The following TMED9 variants were observed in gnomAD, a reference collection of about 807,000 sequenced individuals.
TMED9 encodes transmembrane emp24 domain-containing protein 9.
In TMED9, 22 loss-of-function variants were observed where a neutral mutation model predicts 30.6. The ratio of observed to expected loss-of-function variants is 0.72; its 90% CI spans 0.51 to 1.03. The LOEUF (loss-of-function observed/expected upper bound fraction) is 1.03, where lower values mean the gene tolerates loss of function less well. Among genes scored for constraint, TMED9 ranks in the 50% least tolerant of loss-of-function variants. TMED9 has a pLI of 0.00. For missense variants in TMED9, 251 were observed against 302.1 expected (o/e 0.83, Z 1.25); for synonymous variants, 146 against 122.8 (o/e 1.19, Z -1.25).
rs1343521318 is a variant in TMED9 at position 177,594,388 on chromosome 5, AC to A, written c.558+105del. The A allele has an allele frequency of 8.6e-6, 12 of 1,396,736 alleles. No individual in the cohort carries two copies. The Admixed American group carries it at 2.3e-4, about 27-fold the overall frequency. The allele number at this position is 1,396,736 out of a possible 1,614,324, so 86.5% of individuals were successfully genotyped here. On this transcript the variant is annotated intron_variant, in intron 4 of 4. Transcript: ENST00000332598. Reference sequence around the variant, plus strand: ...TCATTCTGAGACCCCCAAGGGACTTACCTGCACTGCATTGTAGGTCGTGGGG... The same window carrying A: ...TCATTCTGAGACCCCCAAGGGACTTACTGCACTGCATTGTAGGTCGTGGGG...
At position 177,595,268 on chromosome 5, in the gene TMED9, G is replaced by A; in HGVS notation, c.560G>A (p.Trp187Ter). The stretch of plus-strand genomic sequence containing the variant: ...GGCTCACCTTATATTCCCCTGCAGT[G>A]GCGAGAGGAGCGCTTCCGGCAGACC... ...QIQKEQNYQR[W>*]REERFRQTSE... is the part of the protein sequence containing the mutation. Residue 187 changes from tryptophan to a stop codon, truncating the protein, a stop_gained and splice_region_variant, in exon 5 of 5, where the codon TGG (tryptophan) becomes TAG (stop). Transcript: ENST00000332598. LOFTEE classifies it high-confidence loss of function. The A allele has an allele frequency of 1.3e-6, 2 of 1,583,286 alleles. No homozygotes were observed. Among genetic ancestry groups the A allele is most frequent in the Admixed American group, 1.7e-5 (1 of 58,082 alleles).
At position 177,595,253 on chromosome 5, in the gene TMED9, A is replaced by T; in HGVS notation, c.559-14A>T. 1 of 1,553,292 alleles carries T rather than the reference A, an allele frequency of 6.4e-7. No homozygotes were observed. Among genetic ancestry groups the T allele is most frequent in the Non-Finnish European group, 8.8e-7 (1 of 1,140,752 alleles). ...GCCCCAGCCAACTCAGGCTCACCTT[A>T]TATTCCCCTGCAGTGGCGAGAGGAG... is the stretch of plus-strand genomic sequence containing the variant. On this transcript the variant is annotated splice_polypyrimidine_tract_variant and intron_variant, in intron 4 of 4. Coordinates refer to ENST00000332598, the MANE Select transcript of TMED9 (RefSeq NM_017510.6).
intron 4 of TMED9, 33 bp downstream of exon 4, chr5:177,594,318 C>G: frequency 6.2e-7 from 1 of 1,609,266 alleles, no homozygotes; most frequent in Non-Finnish European, 8.5e-7. Flanking sequence ...GTGGGCTTCT[C>G]CCTAGAAGCT....
intron 4 of TMED9, among the ~76,000 whole-genome samples, chr5:177,594,811 A>G (rs1767654497): frequency 6.6e-6 from 1 of 152,130 alleles, no homozygotes; most frequent in Admixed American, 6.5e-5. Context: ...TGCACAAATT[A>G]CCTGTGTTTT....
At position 177,592,427 on chromosome 5, in the gene TMED9, T is replaced by C. The variant is rs746935743; in HGVS notation, c.184+29T>C. ...CGGGGGCGGGGAGGAAGGGGCGAGT[T>C]TGGAACGTGACCGTGGTCTTGGGGC... On this transcript the variant is annotated intron_variant, in intron 1 of 4. Coordinates refer to ENST00000332598, the MANE Select transcript of TMED9 (RefSeq NM_017510.6). 1.9e-6 allele frequency: 3 copies of C among 1,575,952 alleles called. No individual in the cohort carries two copies. In the Admixed American group the frequency reaches 5.6e-5, roughly 29 times the overall value.
intron 1 of TMED9, 85 bp from the exon 2 acceptor site, chr5:177,592,490 G>A (rs1044513777): frequency 2.6e-6 from 4 of 1,557,704 alleles, no homozygotes; most frequent in Middle Eastern, 1.7e-4. Context: ...GAGCCGGGAG[G>A]AGACGGCCTC....
chr5:177,595,191 G>C, intron 4 of TMED9, 76 bp from the exon 5 acceptor site: 1 of 1,444,014 alleles, frequency 6.9e-7, no homozygotes, highest in South Asian at 1.5e-5. Flanking sequence ...GGCTGACCTT[G>C]GGCATCCTCT....
chr5:177,592,585 G>A lies in TMED9; in HGVS notation c.195G>A (p.Arg65=). 1 of 1,613,286 alleles carries A rather than the reference G, an allele frequency of 6.2e-7. No individual in the cohort carries two copies. Among genetic ancestry groups the A allele is most frequent in the Non-Finnish European group, 8.5e-7 (1 of 1,179,724 alleles). Residue 65 remains arginine (R), a synonymous_variant, in exon 2 of 5, where the codon CGG becomes CGA. Coordinates refer to ENST00000332598, the MANE Select transcript of TMED9 (RefSeq NM_017510.6). ...PDETMVIGNY[R]TQLYDKQREE... ...CCTGCTTCCCTCAAGGAAACTACCG[G>A]ACGCAGCTGTATGACAAGCAGCGGG...
chr5:177,592,602 A>G lies in TMED9; in HGVS notation c.212A>G (p.Lys71Arg), dbSNP rs765342087. Residue 71 changes from lysine to arginine, a missense_variant, in exon 2 of 5, where the codon AAG becomes AGG. Physicochemically the swap from Lys to Arg is conservative, Grantham distance 26. Around this residue, in one of 2 missense-constraint regions of TMED9, gnomAD observed 153 missense variants for 239.6 expected, o/e 0.64. Coordinates refer to ENST00000332598, the MANE Select transcript of TMED9 (RefSeq NM_017510.6). ...IGNYRTQLYD[K>R]QREEYQPATP... ...AACTACCGGACGCAGCTGTATGACA[A>G]GCAGCGGGAGGAGTACCAGCCGGCC... 6.2e-7 allele frequency: 1 copy of G among 1,613,666 alleles called. No individual in the cohort carries two copies. The highest frequency in any genetic ancestry group is 1.1e-5 in the South Asian group (1 of 90,966).
Position 177,595,551 on chromosome 5 carries a change from C to A in TMED9, c.*135C>A. ...GAGAGGGGCTGGAGGCACCCACAGG[C>A]ACAAGCTGAAGGCAGCAGCTTGGCT... On this transcript the variant is annotated 3_prime_UTR_variant, in exon 5 of 5. Transcript: ENST00000332598. 9.0e-7 allele frequency: 1 copy of A among 1,112,022 alleles called. No individual in the cohort carries two copies. The highest frequency in any genetic ancestry group is 1.3e-6 in the Non-Finnish European group (1 of 791,386). The allele number at this position is 1,112,022 out of a possible 1,614,324, so 68.9% of individuals were successfully genotyped here.
intron 4 of TMED9, 119 bp downstream of exon 4, chr5:177,594,404 A>G: frequency 7.9e-7 from 1 of 1,260,868 alleles, no homozygotes; most frequent in East Asian, 2.5e-5. Flanking sequence ...ACTGCATTGT[A>G]GGTCGTGGGG....
At chr5:177,593,621 A>T (rs1200826886) in intron 2 of TMED9, 29 bp from the exon 3 acceptor site, 1 of 1,613,686 alleles carries the variant, frequency 6.2e-7, no homozygotes, top group Non-Finnish European at 8.5e-7. Context: ...CTACCATAAT[A>T]CTGACTGAAG....
At chr5:177,593,588 A>G in intron 2 of TMED9, 62 bp from the exon 3 acceptor site, 2 of 1,603,270 alleles carry the variant, frequency 1.2e-6, no homozygotes, top group Non-Finnish European at 1.7e-6. Context: ...AGCCTTAAGC[A>G]CTGTTTTCCT....
In TMED9 at chr5:177,594,127, G is replaced by C. The variant is rs1296857549; in HGVS notation, c.412-12G>C. 6.2e-7 allele frequency: 1 copy of C among 1,614,078 alleles called. No homozygotes were observed. The highest frequency in any genetic ancestry group is 8.5e-7 in the Non-Finnish European group (1 of 1,179,974). The stretch of plus-strand genomic sequence containing the variant: ...CTACCAGATTTCCCTTATCTCCTTT[G>C]TCTGTCCTCAGAGAGTTCACCTGGA... On this transcript the variant is annotated splice_polypyrimidine_tract_variant and intron_variant, in intron 3 of 4. Transcript: ENST00000332598.
intron 1 of TMED9, 71 bp from the exon 2 acceptor site, chr5:177,592,504 G>A: frequency 6.4e-7 from 1 of 1,561,324 alleles, no homozygotes; most frequent in Non-Finnish European, 8.7e-7. Flanking sequence ...CGGCCTCGCC[G>A]TGCCCAGGCG....
Position 177,594,373 on chromosome 5 carries a change from AC to A in TMED9, c.558+93del. ...AATTTCACATTAAATTCATTCTGAG[AC>A]CCCCAAGGGACTTACCTGCACTGCA... is the stretch of plus-strand genomic sequence containing the variant. On this transcript the variant is annotated intron_variant, in intron 4 of 4. Transcript: ENST00000332598. 12 of 1,511,302 alleles carry A rather than the reference AC, an allele frequency of 7.9e-6. No homozygotes were observed. The South Asian group carries it at 1.4e-4, about 17-fold the overall frequency. The allele number at this position is 1,511,302 out of a possible 1,614,324, so 93.6% of individuals were successfully genotyped here. A position where few individuals can be genotyped will look rare whatever the true frequency, so the allele number is the denominator to read the frequency against.
chr5:177,594,883 C>T (rs1292917455), intron 4 of TMED9, among the ~76,000 whole-genome samples: 1 of 152,194 alleles, frequency 6.6e-6, no homozygotes, highest in Non-Finnish European at 1.5e-5. Flanking sequence ...AGGCCAGATC[C>T]AGCCCCCAGC....
rs963277288 is a variant in TMED9 at position 177,594,085 on chromosome 5, A to G, written c.412-54A>G. ...CGGGGATGAGCTGTCAGTCTCTGGC[A>G]GGAAGATGGAGCAGGGCTACCAGAT... is the stretch of plus-strand genomic sequence containing the variant. On this transcript the variant is annotated intron_variant, in intron 3 of 4. Transcript: ENST00000332598. The G allele has an allele frequency of 3.7e-6, 6 of 1,605,898 alleles. No individual in the cohort carries two copies. The African/African-American group carries it at 6.7e-5, about 18-fold the overall frequency.
Position 177,592,344 on chromosome 5 carries a change from G to C in TMED9, c.130G>C (p.Glu44Gln), listed in dbSNP as rs761312863. 1 of 1,605,930 alleles carries C rather than the reference G, an allele frequency of 6.2e-7. No individual in the cohort carries two copies. Among genetic ancestry groups the C allele is most frequent in the East Asian group, 2.2e-5 (1 of 44,564 alleles). ...AAGCGCGCTCTACTTTCACATCGGA[G>C]AGACGGAGAAGAAGTGCTTTATTGA... ...RGSALYFHIG[E>Q]TEKKCFIEEI... is the part of the protein sequence containing the mutation. The change falls in exon 1 of 5, where the codon GAG becomes CAG. Residue 44 changes from glutamate (E) to glutamine (Q), a missense_variant. Glu to Gln is a conservative substitution (Grantham distance 29). Coordinates refer to ENST00000332598, the MANE Select transcript of TMED9 (RefSeq NM_017510.6).
Sources: gnomAD v4.1 joint callset for allele counts (sites outside exome capture counted in the v4.1 genomes callset) on GRCh38, gnomAD v4.1.1 for gene constraint, gnomAD v4.1.1 regional missense constraint, MANE v1.5 for transcripts, NCBI Gene and HGNC (gene_info 2026-07-23, HGNC 2026-07-21) for gene names.